The following DNAJC5B variants were observed in gnomAD, a reference collection of about 807,000 sequenced individuals.
DNAJC5B encodes the protein DnaJ heat shock protein family (Hsp40) member C5 beta.
In DNAJC5B, 23 loss-of-function variants were observed where a neutral mutation model predicts 24.7. That is an observed-to-expected ratio of 0.93 (90% CI 0.67 to 1.32). The LOEUF is 1.32. DNAJC5B is among the 40% of genes most tolerant of loss of function. The probability of loss-of-function intolerance (pLI) is 0.00; values close to 1 mark genes in which losing one functional copy is unlikely to be tolerated. For synonymous variants in DNAJC5B, 101 were observed against 90.1 expected (o/e 1.12, Z -0.68); for missense variants, 238 against 240.8 (o/e 0.99, Z 0.08).
Position 66,070,877 on chromosome 8 carries a change from G to C in DNAJC5B, c.120-5783G>C, listed in dbSNP as rs576575566. 7.0e-4 allele frequency among the ~76,000 whole-genome samples: 107 copies of C among 152,286 alleles called. 1 individual carries two copies. Among genetic ancestry groups the C allele is most frequent in the African/African-American group, 2.5e-3 (102 of 41,564 alleles). On this transcript the variant is annotated intron_variant, in intron 3 of 5. Transcript: ENST00000276570. ...ATATATAGACCAATGGAACAGAACA[G>C]AGGCCTCAGAAATAGCACCACACAT...
chr8:66,027,696 A>G (rs548055876), intron 1 of DNAJC5B, among the ~76,000 whole-genome samples: 15 of 152,336 alleles, frequency 9.8e-5, no homozygotes, highest in African/African-American at 3.6e-4. Flanking sequence ...TATTATTACG[A>G]GAGGGAAAGC....
upstream of DNAJC5B, among the ~76,000 whole-genome samples, chr8:66,018,386 G>C (rs976583018): frequency 1.9e-5 from 1 of 52,350 alleles, no homozygotes; most frequent in African/African-American, 1.1e-3. Context: ...GGCGTGGTGG[G>C]GGGGGTGCCT....
chr8:66,039,039 C>T (rs1035726208), intron 1 of DNAJC5B, among the ~76,000 whole-genome samples: 4 of 152,208 alleles, frequency 2.6e-5, no homozygotes, highest in Non-Finnish European at 5.9e-5. Context: ...TTAGTGAACA[C>T]ACTTATTGGT....
intron 3 of DNAJC5B, among the ~76,000 whole-genome samples, chr8:66,069,220 A>G (rs1005477800): frequency 6.6e-6 from 1 of 152,062 alleles, no homozygotes; most frequent in African/African-American, 2.4e-5. Context: ...CCTGAAAAAT[A>G]TCAGAAATTA....
At chr8:66,052,607 G>A (rs1032077609) in intron 3 of DNAJC5B, among the ~76,000 whole-genome samples, 11 of 152,196 alleles carry the variant, frequency 7.2e-5, no homozygotes, top group African/African-American at 2.7e-4. Context: ...GTCAGTGACA[G>A]AAGAAGCACT....
intron 1 of DNAJC5B, among the ~76,000 whole-genome samples, chr8:66,034,634 G>T (rs1306191887): frequency 4.6e-5 from 7 of 151,918 alleles, no homozygotes; most frequent in South Asian, 2.1e-4. Flanking sequence ...GGGCATCCAA[G>T]ATCTGACAAG....
chr8:66,031,242 C>A (rs1806355058), intron 1 of DNAJC5B, among the ~76,000 whole-genome samples: 1 of 152,042 alleles, frequency 6.6e-6, no homozygotes, highest in Non-Finnish European at 1.5e-5. Context: ...AATGATATTG[C>A]CACAATTGAT....
At chr8:66,074,042 A>C (rs1350467307) in intron 3 of DNAJC5B, among the ~76,000 whole-genome samples, 1 of 152,262 alleles carries the variant, frequency 6.6e-6, no homozygotes, top group African/African-American at 2.4e-5. Context: ...TATAACTGAC[A>C]AAGAATTCAT....
intron 1 of DNAJC5B, among the ~76,000 whole-genome samples, chr8:66,037,228 C>G (rs1806507258): frequency 6.6e-6 from 1 of 152,110 alleles, no homozygotes; most frequent in South Asian, 2.1e-4. Context: ...TGAACAGTTT[C>G]CCACTGATGC....
chr8:66,052,164 G>A (rs1586082722), intron 3 of DNAJC5B, among the ~76,000 whole-genome samples: 1 of 150,196 alleles, frequency 6.7e-6, no homozygotes, highest in Non-Finnish European at 1.5e-5. Context: ...CACCATGTTG[G>A]CCAGGCTGGT....
At chr8:66,056,020 C>T (rs1217605365) in intron 3 of DNAJC5B, among the ~76,000 whole-genome samples, 2 of 152,106 alleles carry the variant, frequency 1.3e-5, no homozygotes, top group Non-Finnish European at 2.9e-5. Flanking sequence ...TTTTCTCTCC[C>T]TGCTAAGCAC....
chr8:66,050,348 C>T (rs1446107214), intron 2 of DNAJC5B, among the ~76,000 whole-genome samples: 2 of 152,098 alleles, frequency 1.3e-5, no homozygotes, highest in Non-Finnish European at 2.9e-5. Context: ...ATTGGCTCAA[C>T]CCAAGGAAGG....
chr8:66,076,608 G>T (rs531560879), intron 3 of DNAJC5B, 52 bp from the exon 4 acceptor site: 64 of 1,596,208 alleles, frequency 4.0e-5, no homozygotes, highest in Non-Finnish European at 5.1e-5. Flanking sequence ...AAACGCCATG[G>T]TTCATTCTTG....
At chr8:66,061,632 T>C (rs940227039) in intron 3 of DNAJC5B, among the ~76,000 whole-genome samples, 4 of 151,280 alleles carry the variant, frequency 2.6e-5, no homozygotes, top group African/African-American at 9.8e-5. Flanking sequence ...TGTGTGTGTG[T>C]GTGCGCGTGT....
intron 3 of DNAJC5B, 71 bp downstream of exon 3, chr8:66,051,737 AAAGAC>A: frequency 8.4e-7 from 1 of 1,183,448 alleles, no homozygotes; most frequent in Non-Finnish European, 1.2e-6. Context: ...TTCCTCCATT[AAAGAC>A]ATAAGCTTCT....
intron 1 of DNAJC5B, among the ~76,000 whole-genome samples, chr8:66,040,387 TAA>T (rs58867549): frequency 0.023 from 3,419 of 147,186 alleles, 136 homozygotes; most frequent in African/African-American, 0.079. Flanking sequence ...AGACTCCATT[TAA>T]AAAAAAAAAA....
intron 5 of DNAJC5B, among the ~76,000 whole-genome samples, chr8:66,089,478 T>C (rs999513225): frequency 3.2e-4 from 48 of 152,348 alleles, no homozygotes; most frequent in Middle Eastern, 3.4e-3. Flanking sequence ...TTCTTAACTG[T>C]TGACTTATAA....
chr8:66,024,315 A>C (rs1806206037), intron 1 of DNAJC5B, among the ~76,000 whole-genome samples: 1 of 151,962 alleles, frequency 6.6e-6, no homozygotes, highest in Admixed American at 6.6e-5. Context: ...TAATATACTG[A>C]GTAATTTTAC....
intron 1 of DNAJC5B, among the ~76,000 whole-genome samples, chr8:66,032,207 C>A (rs1806374241): frequency 6.6e-6 from 1 of 152,240 alleles, no homozygotes; most frequent in Non-Finnish European, 1.5e-5. Flanking sequence ...TGCCTCCCAG[C>A]ACTGGTGCTG....
Sources: allele counts gnomAD v4.1 joint callset (sites outside exome capture counted in the v4.1 genomes callset), GRCh38; gene constraint gnomAD v4.1.1; transcripts MANE v1.5; gene names NCBI Gene and HGNC (gene_info 2026-07-23, HGNC 2026-07-21).